Variants in NOS1 observed in about 807,000 individuals in gnomAD.
NOS1 encodes the protein NOS type I.
A neutral mutation model predicts 164.5 loss-of-function variants in NOS1; 51 were observed. The ratio of observed to expected loss-of-function variants is 0.31; its 90% CI spans 0.25 to 0.39. NOS1 has a LOEUF of 0.39. NOS1 is among the 10% of genes least tolerant of loss of function. The pLI, the probability that NOS1 is intolerant of heterozygous loss-of-function variation, is 1.00. For missense variants in NOS1, 1,362 were observed against 1,885.6 expected (o/e 0.72, Z 5.14); for synonymous variants, 719 against 745.8 (o/e 0.96, Z 0.59).
In NOS1 at chr12:117,209,008, C is replaced by G; in HGVS notation, c.*6301G>C. The G allele has an allele frequency of 2.0e-6, 2 of 981,616 alleles. No individual in the cohort carries two copies. The highest frequency in any genetic ancestry group is 2.4e-6 in the Non-Finnish European group (2 of 826,626). The allele number at this position is 981,616 out of a possible 1,614,324, so 60.8% of individuals were successfully genotyped here. On this transcript the variant is annotated 3_prime_UTR_variant, in exon 29 of 29. Coordinates refer to ENST00000317775, the MANE Select transcript of NOS1 (RefSeq NM_000620.5). ...AAAGTCCTGTGATTACAGGCATGAGCCACCACGCCTGGCCTGGGAGGGGTT... is the reference window on the plus strand; with the variant it reads ...AAAGTCCTGTGATTACAGGCATGAGGCACCACGCCTGGCCTGGGAGGGGTT...
intron 8 of NOS1, among the ~76,000 whole-genome samples, chr12:117,280,319 C>G (rs770305463): frequency 2.2e-4 from 34 of 152,172 alleles, no homozygotes; most frequent in Non-Finnish European, 3.8e-4. Flanking sequence ...GACATTATCT[C>G]GTAACTCAGA....
At chr12:117,221,354 G>A (rs867269846) in intron 26 of NOS1, among the ~76,000 whole-genome samples, 19 of 151,316 alleles carry the variant, frequency 1.3e-4, no homozygotes, top group Middle Eastern at 3.4e-3. Flanking sequence ...TTACCATGTT[G>A]GTCAGGCTGG....
intron 2 of NOS1, among the ~76,000 whole-genome samples, chr12:117,319,272 T>C (rs917942443): frequency 6.6e-6 from 1 of 152,162 alleles, no homozygotes; most frequent in Non-Finnish European, 1.5e-5. Context: ...AGGCTGGTTT[T>C]AAACTCCTTG....
At chr12:117,328,596 G>C (rs1297551439) in intron 2 of NOS1, among the ~76,000 whole-genome samples, 1 of 150,148 alleles carries the variant, frequency 6.7e-6, no homozygotes, top group Non-Finnish European at 1.5e-5. Flanking sequence ...TCTTGCTCTC[G>C]CTCTTTTGCC....
chr12:117,347,460 T>C (rs1394577213), intron 1 of NOS1, among the ~76,000 whole-genome samples: 1 of 152,072 alleles, frequency 6.6e-6, no homozygotes, highest in Non-Finnish European at 1.5e-5. Context: ...CCTCCCCCTT[T>C]AGGTGGGGCA....
rs1326952792 is a variant in NOS1 at position 117,210,484 on chromosome 12, G to A, written c.*4825C>T. 9 of 985,340 alleles carry A rather than the reference G, an allele frequency of 9.1e-6. No homozygotes were observed. The highest frequency in any genetic ancestry group is 6.2e-5 in the Admixed American group (1 of 16,248). 61.0% of individuals were successfully genotyped at this position (985,340 alleles called of 1,614,324 possible). The stretch of plus-strand genomic sequence containing the variant: ...CGGCATGCTGGGTATGTGGGGCAGC[G>A]GGTAGGGAAATATACAAGGAAACAT... On this transcript the variant is annotated 3_prime_UTR_variant, in exon 29 of 29. Transcript: ENST00000317775.
chr12:117,268,892 C>T (rs1872613314), intron 10 of NOS1, among the ~76,000 whole-genome samples: 1 of 152,038 alleles, frequency 6.6e-6, no homozygotes, highest in African/African-American at 2.4e-5. Context: ...CCACCGCGCC[C>T]AGCCTCAAAA....
intron 3 of NOS1, among the ~76,000 whole-genome samples, chr12:117,295,691 C>T (rs1475716799): frequency 2.0e-5 from 3 of 147,068 alleles, no homozygotes; most frequent in African/African-American, 7.5e-5. Flanking sequence ...GATCTTGGCT[C>T]ACTGCAACCT....
At chr12:117,240,803 C>T (rs892613466) in intron 20 of NOS1, among the ~76,000 whole-genome samples, 1 of 152,234 alleles carries the variant, frequency 6.6e-6, no homozygotes, top group African/African-American at 2.4e-5. Flanking sequence ...CAAGGCCGCA[C>T]AGCTAGTGTG....
At position 117,272,908 on chromosome 12, in the gene NOS1, T is replaced by C. The variant is rs1230154678; in HGVS notation, c.1665-349A>G. On this transcript the variant is annotated intron_variant, in intron 9 of 28. Coordinates refer to ENST00000317775, the MANE Select transcript of NOS1 (RefSeq NM_000620.5). The surrounding 1 kb of genome is among the most constrained non-coding windows in gnomAD (Gnocchi z 4.3). Reference sequence around the variant, plus strand: ...GAGCACCCTCCTACCCTCAGGGCCTTTGCACAGGCAGCCAAACTTCAGAGC... The same window carrying C: ...GAGCACCCTCCTACCCTCAGGGCCTCTGCACAGGCAGCCAAACTTCAGAGC... Among the ~76,000 whole-genome samples the C allele has an allele frequency of 6.6e-6, 1 of 152,152 alleles. No individual in the cohort carries two copies. The highest frequency in any genetic ancestry group is 1.5e-5 in the Non-Finnish European group (1 of 68,008).
chr12:117,225,007 G>A lies in NOS1; in HGVS notation c.3826+9C>T, dbSNP rs1169002848. ...GTGGGAACCAAGTGGCCACTGGACT[G>A]TAACCCACCTTTGTGTTGGATATCA... is the stretch of plus-strand genomic sequence containing the variant. On this transcript the variant is annotated intron_variant, in intron 25 of 28. Transcript: ENST00000317775. The A allele has an allele frequency of 1.2e-6, 2 of 1,613,994 alleles. No individual in the cohort carries two copies. Among genetic ancestry groups the A allele is most frequent in the African/African-American group, 2.7e-5 (2 of 74,934 alleles).
chr12:117,322,544 T>TTTC (rs1875022555), intron 2 of NOS1, among the ~76,000 whole-genome samples: 1 of 100,468 alleles, frequency 1.0e-5, no homozygotes, highest in East Asian at 3.6e-4. Flanking sequence ...TCTCTCCTTC[T>TTTC]TTCCTTCCTT....
chr12:117,285,414 A>G (rs1728157955), intron 6 of NOS1, 82 bp from the exon 7 acceptor site: 5 of 818,856 alleles, frequency 6.1e-6, no homozygotes, highest in Non-Finnish European at 9.6e-6. Context: ...TTTTAGGAGA[A>G]CCCAGATCCC....
chr12:117,358,910 G>A (rs1490477390), intron 1 of NOS1, among the ~76,000 whole-genome samples: 1 of 152,262 alleles, frequency 6.6e-6, no homozygotes, highest in East Asian at 1.9e-4. Flanking sequence ...ATGCCAGACT[G>A]CGTAGATGCC....
At chr12:117,289,567 G>A (rs780016390) in intron 4 of NOS1, among the ~76,000 whole-genome samples, 1 of 152,192 alleles carries the variant, frequency 6.6e-6, no homozygotes, top group Non-Finnish European at 1.5e-5. Context: ...GAACGTGCAG[G>A]TTTGTTACAT....
chr12:117,247,845 C>T (rs1192430909), intron 17 of NOS1, among the ~76,000 whole-genome samples: 1 of 151,140 alleles, frequency 6.6e-6, no homozygotes, highest in African/African-American at 2.4e-5. Context: ...ACTTTGGAGG[C>T]TGAGGCAGGA....
rs1004824793 is a variant in NOS1 at position 117,210,169 on chromosome 12, C to T, written c.*5140G>A. 3.2e-5 allele frequency: 14 copies of T among 432,186 alleles called. No homozygotes were observed. Among genetic ancestry groups the T allele is most frequent in the African/African-American group, 4.6e-5 (2 of 43,164 alleles). 26.8% of individuals were successfully genotyped at this position (432,186 alleles called of 1,614,324 possible). On this transcript the variant is annotated 3_prime_UTR_variant, in exon 29 of 29. Transcript: ENST00000317775. ...TTTTTTTTTTTTTTTTTAGTAGAGACGAGATTGCGCTGTGTTGCCCAAGCT... is the reference window on the plus strand; with the variant it reads ...TTTTTTTTTTTTTTTTTAGTAGAGATGAGATTGCGCTGTGTTGCCCAAGCT...
At chr12:117,266,405 AT>A (rs1872418173) in intron 11 of NOS1, among the ~76,000 whole-genome samples, 1 of 152,182 alleles carries the variant, frequency 6.6e-6, no homozygotes, top group Admixed American at 6.5e-5. Flanking sequence ...AATAGTCTCC[AT>A]TCCCATCCAG....
At position 117,277,505 on chromosome 12, in the gene NOS1, G is replaced by C. The variant is rs1030942687; in HGVS notation, c.1664+454C>G. On this transcript the variant is annotated intron_variant, in intron 9 of 28. Transcript: ENST00000317775. ...CTACTTGCAGGGGTTGAGGTGGGAG[G>C]ATCACTTGAGCCCAGCAGGTCGAGG... is the stretch of plus-strand genomic sequence containing the variant. Among the ~76,000 whole-genome samples, 3 of 151,984 alleles carry C rather than the reference G, an allele frequency of 2.0e-5. No individual in the cohort carries two copies. In the South Asian group the frequency reaches 6.2e-4, roughly 32 times the overall value.
Sources: allele counts gnomAD v4.1 joint callset (sites outside exome capture counted in the v4.1 genomes callset), GRCh38; gene constraint gnomAD v4.1.1; non-coding constraint Gnocchi (gnomAD v3.1); transcripts MANE v1.5; gene names NCBI Gene and HGNC (gene_info 2026-07-23, HGNC 2026-07-21).